FAM120A: variants seen among roughly 807,000 people sequenced by gnomAD.
The protein encoded by FAM120A is constitutive coactivator of PPAR-gamma-like protein 1.
FAM120A carries 15 observed loss-of-function variants against 109.7 expected under a neutral mutation model. The observed-to-expected ratio is 0.14, with a 90% CI of 0.09 to 0.21. The LOEUF (loss-of-function observed/expected upper bound fraction) is 0.21, where lower values mean the gene tolerates loss of function less well. Among genes scored for constraint, FAM120A ranks in the 10% least tolerant of loss-of-function variants. The pLI is 1.00. For missense variants in FAM120A, 899 were observed against 1,439.3 expected (o/e 0.62, Z 6.07); for synonymous variants, 493 against 572.8 (o/e 0.86, Z 1.99).
In FAM120A at chr9:93,564,460, C is replaced by T. The variant is rs759140947; in HGVS notation, c.3277C>T (p.His1093Tyr). The change falls in exon 18 of 18, where the codon CAT (histidine) becomes TAT (tyrosine). Residue 1093 changes from histidine to tyrosine, a missense_variant. Physicochemically the swap from His to Tyr is moderately conservative, Grantham distance 83 (BLOSUM62 2). This residue lies in a region of FAM120A where 170 missense variants were observed against 205.0 expected (regional missense o/e 0.83). Coordinates refer to ENST00000277165, the MANE Select transcript of FAM120A (RefSeq NM_014612.5). ...CTCTAAAACGTGCAATACAAATCCT[C>T]ATTTAAATGCACTAAGTACAGACAG... ...NDSKTCNTNP[H>Y]LNALSTDSAC... The T allele has an allele frequency of 3.7e-6, 6 of 1,614,240 alleles. No homozygotes were observed. The highest frequency in any genetic ancestry group is 1.3e-5 in the African/African-American group (1 of 75,068).
In FAM120A at chr9:93,498,764, T is replaced by C. The variant is rs759944222; in HGVS notation, c.934-26T>C. On this transcript the variant is annotated intron_variant, in intron 4 of 17. Coordinates refer to ENST00000277165, the MANE Select transcript of FAM120A (RefSeq NM_014612.5). The surrounding 1 kb of genome is among the most constrained non-coding windows in gnomAD (Gnocchi z 4.4). Reference sequence around the variant, plus strand: ...ACATGACCAGTGGCACACTAATTTATGAAGGTTTTCCTGCCTTTATTTCAG... The same window carrying C: ...ACATGACCAGTGGCACACTAATTTACGAAGGTTTTCCTGCCTTTATTTCAG... The C allele has an allele frequency of 4.4e-6, 6 of 1,374,492 alleles. No homozygotes were observed. In the South Asian group the frequency reaches 5.8e-5, roughly 13 times the overall value. 85.1% of individuals were successfully genotyped at this position (1,374,492 alleles called of 1,614,324 possible). A position where few individuals can be genotyped will look rare whatever the true frequency, so the allele number is the denominator to read the frequency against.
intron 5 of FAM120A, among the ~76,000 whole-genome samples, chr9:93,509,457 G>A (rs1449583215): frequency 6.6e-6 from 1 of 152,266 alleles, no homozygotes; most frequent in African/African-American, 2.4e-5. Context: ...ACTCTGCAAT[G>A]TGGAGGTGCT....
chr9:93,534,320 C>T (rs1399824251), intron 10 of FAM120A, among the ~76,000 whole-genome samples: 1 of 152,156 alleles, frequency 6.6e-6, no homozygotes, highest in Non-Finnish European at 1.5e-5. Context: ...TGGTGTCAGA[C>T]TGCCCCGACC....
At chr9:93,496,116 C>T (rs897896309) in intron 3 of FAM120A, among the ~76,000 whole-genome samples, 2 of 152,184 alleles carry the variant, frequency 1.3e-5, no homozygotes, top group African/African-American at 4.8e-5. Context: ...ACTTCTAATT[C>T]TGATTCTCTT....
At chr9:93,465,916 G>A (rs1443200350) in intron 1 of FAM120A, among the ~76,000 whole-genome samples, 1 of 152,128 alleles carries the variant, frequency 6.6e-6, no homozygotes, top group African/African-American at 2.4e-5. Flanking sequence ...TTTATAGAAT[G>A]TCCCCGATTT....
chr9:93,511,573 T>A (rs1469564966), intron 5 of FAM120A, among the ~76,000 whole-genome samples: 1 of 152,218 alleles, frequency 6.6e-6, no homozygotes, highest in Non-Finnish European at 1.5e-5. Flanking sequence ...CACATGACAG[T>A]TTCCTTTCTA....
At chr9:93,454,641 A>G (rs1452942736) in intron 1 of FAM120A, among the ~76,000 whole-genome samples, 2 of 152,246 alleles carry the variant, frequency 1.3e-5, no homozygotes, top group African/African-American at 2.4e-5. Context: ...AAAAGCAAAC[A>G]TAATTCTGGG....
At position 93,491,297 on chromosome 9, in the gene FAM120A, G is replaced by C. The variant is rs1859307696; in HGVS notation, c.805-6174G>C. On this transcript the variant is annotated intron_variant, in intron 3 of 17. Transcript: ENST00000277165. ...GCCAAAGGACAAGAAATTGTAATGG[G>C]TGACAATGGGGCACCACCGCTCATG... 5.9e-5 allele frequency among the ~76,000 whole-genome samples: 9 copies of C among 152,248 alleles called. No individual in the cohort carries two copies. In the South Asian group the frequency reaches 1.9e-3, roughly 32 times the overall value.
chr9:93,509,220 C>CA (rs1237485455), intron 5 of FAM120A, among the ~76,000 whole-genome samples: 5 of 152,270 alleles, frequency 3.3e-5, no homozygotes, highest in Non-Finnish European at 7.3e-5. Context: ...GCCTGGCTGA[C>CA]AGCTGGATGG....
intron 1 of FAM120A, among the ~76,000 whole-genome samples, chr9:93,465,017 A>G (rs1857953966): frequency 6.6e-6 from 1 of 152,182 alleles, no homozygotes; most frequent in Admixed American, 6.5e-5. Flanking sequence ...AGAAGCAGAT[A>G]AATAAGAGTG....
At chr9:93,468,318 A>AT (rs1465838955) in intron 1 of FAM120A, among the ~76,000 whole-genome samples, 1 of 151,982 alleles carries the variant, frequency 6.6e-6, no homozygotes, top group Non-Finnish European at 1.5e-5. Flanking sequence ...GCAGTTTTTA[A>AT]TTTTTTTTGG....
At chr9:93,512,384 A>G (rs917766117) in intron 5 of FAM120A, among the ~76,000 whole-genome samples, 1 of 152,226 alleles carries the variant, frequency 6.6e-6, no homozygotes, top group African/African-American at 2.4e-5. Context: ...AGTCAAGATC[A>G]TACAGCCGAG....
intron 7 of FAM120A, among the ~76,000 whole-genome samples, chr9:93,524,505 C>G (rs1264304865): frequency 6.6e-6 from 1 of 152,250 alleles, no homozygotes; most frequent in Non-Finnish European, 1.5e-5. Flanking sequence ...GGCCTTGGCA[C>G]ACCTCTCTGA....
chr9:93,559,737 T>G (rs1862408672), intron 15 of FAM120A, among the ~76,000 whole-genome samples: 1 of 152,226 alleles, frequency 6.6e-6, no homozygotes, highest in African/African-American at 2.4e-5. Flanking sequence ...GAAGCTGGCC[T>G]GTAGTTGGGA....
intron 1 of FAM120A, among the ~76,000 whole-genome samples, chr9:93,462,929 A>G (rs1160997406): frequency 6.6e-6 from 1 of 152,228 alleles, no homozygotes; most frequent in East Asian, 1.9e-4. Flanking sequence ...TTATCCATTC[A>G]TCAGTGGGTG....
intron 10 of FAM120A, among the ~76,000 whole-genome samples, chr9:93,541,642 T>C (rs1313682291): frequency 6.6e-6 from 1 of 152,214 alleles, no homozygotes; most frequent in African/African-American, 2.4e-5. Context: ...GATATTCAAA[T>C]GTAAATGAAA....
At chr9:93,521,450 C>T (rs1262492354) in intron 7 of FAM120A, among the ~76,000 whole-genome samples, 2 of 151,972 alleles carry the variant, frequency 1.3e-5, no homozygotes, top group Non-Finnish European at 2.9e-5. Context: ...GACATGGTGG[C>T]ATGTGCCTGT....
chr9:93,488,524 C>T (rs1245100244), intron 3 of FAM120A, among the ~76,000 whole-genome samples: 1 of 152,122 alleles, frequency 6.6e-6, no homozygotes, highest in Non-Finnish European at 1.5e-5. Flanking sequence ...GCTGAAGTCT[C>T]AGCTACCATG....
chr9:93,559,310 G>A (rs1055878703), intron 15 of FAM120A, among the ~76,000 whole-genome samples: 1 of 152,228 alleles, frequency 6.6e-6, no homozygotes, highest in Non-Finnish European at 1.5e-5. Context: ...TTGGAAGTCA[G>A]TGACCTGTAT....
Sources: gnomAD v4.1 joint callset for allele counts (sites outside exome capture counted in the v4.1 genomes callset) on GRCh38, gnomAD v4.1.1 for gene constraint, gnomAD v4.1.1 regional missense constraint, Gnocchi (gnomAD v3.1) non-coding constraint, MANE v1.5 for transcripts, NCBI Gene and HGNC (gene_info 2026-07-23, HGNC 2026-07-21) for gene names.